The following CLIP4 variants were observed in gnomAD, a reference collection of about 807,000 sequenced individuals.
The protein encoded by CLIP4 is CAP-Gly domain containing linker protein family member 4.
Under a neutral mutation model 73.1 loss-of-function variants are expected in CLIP4, and 47 were observed. The observed-to-expected ratio is 0.64, with a 90% confidence interval of 0.51 to 0.82. The LOEUF is 0.82. Ranked by LOEUF, CLIP4 falls within the 40% of genes least tolerant of loss-of-function variation. The probability of loss-of-function intolerance (pLI) is 0.00; values close to 1 mark genes in which losing one functional copy is unlikely to be tolerated. For synonymous variants in CLIP4, 306 were observed against 295.4 expected, an observed-to-expected ratio of 1.04 and a Z score of -0.37; for missense variants, 874 against 852.9, an observed-to-expected ratio of 1.02 and a Z score of -0.31.
chr2:29,170,372 A>G (rs1432508476), intron 14 of CLIP4, among the ~76,000 whole-genome samples: 1 of 152,172 alleles, frequency 6.6e-6, no homozygotes, highest in Non-Finnish European at 1.5e-5. Context: ...CCTATTCCCA[A>G]CAGCATACAA....
upstream of CLIP4, among the ~76,000 whole-genome samples, chr2:29,110,690 A>G (rs1668362306): frequency 6.6e-6 from 1 of 152,056 alleles, no homozygotes; most frequent in African/African-American, 2.4e-5. Context: ...ATATTTGTTT[A>G]TTTATTATTA....
chr2:29,175,592 A>G (rs1210614916), intron 15 of CLIP4: 1 of 152,220 alleles, frequency 6.6e-6, no homozygotes. Context: ...CCTGGGAATT[A>G]TACAGCAGGT....
intron 15 of CLIP4, among the ~76,000 whole-genome samples, chr2:29,177,900 A>G (rs1211364918): frequency 6.6e-6 from 1 of 152,208 alleles, no homozygotes; most frequent in Non-Finnish European, 1.5e-5. Flanking sequence ...AAGTGTCTCA[A>G]TTCTCTGGCT....
intron 1 of CLIP4, among the ~76,000 whole-genome samples, chr2:29,099,472 C>T (rs1354748692): frequency 2.0e-5 from 3 of 151,942 alleles, no homozygotes; most frequent in African/African-American, 7.2e-5. Flanking sequence ...TCCTTTTTTT[C>T]CATTGAATTG....
intron 2 of CLIP4, among the ~76,000 whole-genome samples, chr2:29,129,031 T>C (rs938998185): frequency 1.3e-5 from 2 of 152,214 alleles, no homozygotes; most frequent in African/African-American, 2.4e-5. Context: ...TGGACTTACA[T>C]TGATTTAATT....
chr2:29,122,694 G>T (rs915246561), intron 2 of CLIP4, among the ~76,000 whole-genome samples: 8 of 151,954 alleles, frequency 5.3e-5, no homozygotes, highest in African/African-American at 1.9e-4. Flanking sequence ...AGGCATGGTG[G>T]TGTGCGCCTA....
intron 2 of CLIP4, among the ~76,000 whole-genome samples, chr2:29,124,463 G>A (rs1664462745): frequency 6.6e-6 from 1 of 151,884 alleles, no homozygotes; most frequent in South Asian, 2.1e-4. Context: ...CTTGTGCTTG[G>A]GTTTGGTTGA....
chr2:29,131,449 TA>T, intron 3 of CLIP4, 52 bp downstream of exon 3: 2 of 1,528,494 alleles, frequency 1.3e-6, no homozygotes, highest in South Asian at 2.6e-5. Flanking sequence ...GTTAATGGTA[TA>T]GATTTTTTTC....
At chr2:29,149,921 T>C (rs989869983) in intron 8 of CLIP4, among the ~76,000 whole-genome samples, 15 of 152,164 alleles carry the variant, frequency 9.9e-5, no homozygotes, top group African/African-American at 3.4e-4. Context: ...TCAGTAGTCA[T>C]GATAGAGGTT....
intron 8 of CLIP4, among the ~76,000 whole-genome samples, chr2:29,146,513 C>T (rs1226199107): frequency 6.6e-6 from 1 of 152,234 alleles, no homozygotes; most frequent in Non-Finnish European, 1.5e-5. Context: ...TTCTTCCTCT[C>T]TCTCACACAC....
At chr2:29,126,052 G>A (rs1301491803) in intron 2 of CLIP4, among the ~76,000 whole-genome samples, 1 of 152,112 alleles carries the variant, frequency 6.6e-6, no homozygotes, top group African/African-American at 2.4e-5. Flanking sequence ...GCGTGCGCCT[G>A]TGGTCCCAGC....
chr2:29,117,712 A>G (rs1245694473), intron 1 of CLIP4, among the ~76,000 whole-genome samples: 4 of 152,208 alleles, frequency 2.6e-5, no homozygotes, highest in Admixed American at 1.3e-4. Flanking sequence ...ATTAGTCTCC[A>G]GGAAGCCTTC....
At chr2:29,113,142 G>A (rs1182218702), upstream of CLIP4, among the ~76,000 whole-genome samples, 1 of 152,218 alleles carries the variant, frequency 6.6e-6, no homozygotes, top group Non-Finnish European at 1.5e-5. This position sits in a 1 kb window ranked among gnomAD's most constrained non-coding sequence, Gnocchi z 4.0. Context: ...CAGCCTCCCA[G>A]AGTCTGCTTC....
intron 1 of CLIP4, among the ~76,000 whole-genome samples, chr2:29,116,753 A>G (rs1045854086): frequency 1.1e-4 from 16 of 152,238 alleles, no homozygotes; most frequent in African/African-American, 3.9e-4. Context: ...TCTGGACTGT[A>G]AGATTGAGTC....
chr2:29,104,700 C>T (rs1490553184), intron 1 of CLIP4, among the ~76,000 whole-genome samples: 3 of 152,152 alleles, frequency 2.0e-5, no homozygotes, highest in Non-Finnish European at 4.4e-5. Context: ...GCAATAGAGG[C>T]ACACATGTTT....
intron 1 of CLIP4, among the ~76,000 whole-genome samples, chr2:29,109,883 C>A (rs988699045): frequency 6.6e-6 from 1 of 152,098 alleles, no homozygotes; most frequent in Non-Finnish European, 1.5e-5. Context: ...CATAGCGAAA[C>A]CCCGTCTCTA....
chr2:29,146,363 T>C (rs1666165807), intron 8 of CLIP4, among the ~76,000 whole-genome samples: 1 of 152,100 alleles, frequency 6.6e-6, no homozygotes, highest in Admixed American at 6.6e-5. Flanking sequence ...ACTGGAAAAA[T>C]CAAGCAAGGC....
intron 13 of CLIP4, among the ~76,000 whole-genome samples, chr2:29,167,264 A>G (rs1667682797): frequency 6.6e-6 from 1 of 152,206 alleles, no homozygotes; most frequent in Non-Finnish European, 1.5e-5. Context: ...ATTTTTTTCT[A>G]CACTAATTAT....
At chr2:29,126,044 G>T (rs190547834) in intron 2 of CLIP4, among the ~76,000 whole-genome samples, 1 of 152,022 alleles carries the variant, frequency 6.6e-6, no homozygotes, top group African/African-American at 2.4e-5. Context: ...GTGTGGTGGC[G>T]TGCGCCTGTG....
Sources: gnomAD v4.1 joint callset for allele counts (sites outside exome capture counted in the v4.1 genomes callset) on GRCh38, gnomAD v4.1.1 for gene constraint, Gnocchi (gnomAD v3.1) non-coding constraint, MANE v1.5 for transcripts, NCBI Gene and HGNC (gene_info 2026-07-23, HGNC 2026-07-21) for gene names.